Variants in ABCB11 observed in about 807,000 individuals in gnomAD.
The protein encoded by ABCB11 is ATP binding cassette subfamily B member 11.
In ABCB11, 95 loss-of-function variants were observed where a neutral mutation model predicts 148.0. That is an observed-to-expected ratio of 0.64 (90% CI 0.54 to 0.76). The LOEUF (loss-of-function observed/expected upper bound fraction) is 0.76. Ranked by LOEUF, ABCB11 falls within the 30% of genes least tolerant of loss-of-function variation. The pLI is 0.00. For synonymous variants in ABCB11, 591 were observed against 555.4 expected (o/e 1.06, Z -0.90); for missense variants, 1,523 against 1,617.8 (o/e 0.94, Z 1.01).
At chr2:168,964,405 A>G in intron 17 of ABCB11, 97 bp from the exon 18 acceptor site, 1 of 1,015,010 alleles carries the variant, frequency 9.9e-7, no homozygotes, top group African/African-American at 1.6e-5. Flanking sequence ...TCAAATAAAT[A>G]GAAATGTTTG....
At chr2:168,970,539 G>T in intron 14 of ABCB11, 1 of 425,792 alleles carries the variant, frequency 2.3e-6, no homozygotes, top group Non-Finnish European at 4.3e-6. Context: ...GAGGATTAAA[G>T]CACAGAGCAA....
At position 168,975,584 on chromosome 2, in the gene ABCB11, T is replaced by A. The variant is rs1256699196; in HGVS notation, c.1308+993A>T. Among the ~76,000 whole-genome samples, 34 of 98,908 alleles carry A rather than the reference T, an allele frequency of 3.4e-4. 6 individuals carry two copies. Among genetic ancestry groups the A allele is most frequent in the Non-Finnish European group, 5.6e-4 (29 of 51,788 alleles). The allele number at this position is 98,908 out of a possible 152,430, so 64.9% of individuals were successfully genotyped here. On this transcript the variant is annotated intron_variant, in intron 12 of 27. Coordinates refer to ENST00000650372, the MANE Select transcript of ABCB11 (RefSeq NM_003742.4). ...ATTTTTATATTTATAGATAAATATATAAATACATAAATATTTTTATATTTA... is the reference window on the plus strand; with the variant it reads ...ATTTTTATATTTATAGATAAATATAAAAATACATAAATATTTTTATATTTA...
At chr2:169,006,229 A>AG (rs1234798525) in intron 5 of ABCB11, among the ~76,000 whole-genome samples, 1 of 152,216 alleles carries the variant, frequency 6.6e-6, no homozygotes, top group Non-Finnish European at 1.5e-5. Flanking sequence ...AGGAGTGCAA[A>AG]GGTAATTGAA....
At chr2:168,930,275 C>T (rs1691507775) in intron 25 of ABCB11, among the ~76,000 whole-genome samples, 1 of 152,192 alleles carries the variant, frequency 6.6e-6, no homozygotes, top group Non-Finnish European at 1.5e-5. Context: ...GCTAACTCTC[C>T]TTTCTTGCTC....
intron 5 of ABCB11, among the ~76,000 whole-genome samples, chr2:169,010,709 G>T (rs1257354546): frequency 6.6e-6 from 1 of 152,106 alleles, no homozygotes; most frequent in African/African-American, 2.4e-5. Flanking sequence ...TCCCACCCAA[G>T]TCATAAGATC....
downstream of ABCB11, among the ~76,000 whole-genome samples, chr2:168,919,611 T>A (rs580670): frequency 0.72 from 108,786 of 151,256 alleles, 39,594 homozygotes; most frequent in East Asian, 0.95. Flanking sequence ...CTATTTTTTT[T>A]ATCTGTGACC....
At chr2:168,989,854 C>T (rs568338219) in intron 9 of ABCB11, among the ~76,000 whole-genome samples, 7 of 152,190 alleles carry the variant, frequency 4.6e-5, no homozygotes, top group Non-Finnish European at 8.8e-5. Flanking sequence ...TTTTCAGCAT[C>T]TATTGAGATA....
intron 19 of ABCB11, among the ~76,000 whole-genome samples, chr2:168,951,441 T>G (rs1260750014): frequency 6.6e-6 from 1 of 151,830 alleles, no homozygotes. Flanking sequence ...ATCAGTGTTT[T>G]GTGGTCCTCC....
chr2:168,936,467 C>A (rs754412134), intron 21 of ABCB11, 34 bp from the exon 22 acceptor site: 1 of 1,605,372 alleles, frequency 6.2e-7, no homozygotes, highest in South Asian at 1.1e-5. Flanking sequence ...CCGTCTCAGA[C>A]ACACAGTCGC....
chr2:168,957,127 ACT>A (rs1692833386), intron 19 of ABCB11, among the ~76,000 whole-genome samples: 1 of 151,584 alleles, frequency 6.6e-6, no homozygotes, highest in Non-Finnish European at 1.5e-5. Context: ...GTCTTTCAGT[ACT>A]GTTTCCATGA....
intron 19 of ABCB11, among the ~76,000 whole-genome samples, chr2:168,956,080 C>A (rs1262391598): frequency 1.3e-5 from 2 of 151,678 alleles, no homozygotes. Flanking sequence ...TCTCAGGAAA[C>A]TTACAATCAT....
intron 25 of ABCB11, among the ~76,000 whole-genome samples, chr2:168,929,185 T>A (rs1017058266): frequency 7.9e-5 from 12 of 152,182 alleles, no homozygotes; most frequent in African/African-American, 2.9e-4. Flanking sequence ...TCTTAGAAAT[T>A]TGCTTTTGGA....
intron 19 of ABCB11, among the ~76,000 whole-genome samples, chr2:168,957,380 TATG>T (rs1283950246): frequency 6.6e-6 from 1 of 151,714 alleles, no homozygotes; most frequent in African/African-American, 2.4e-5. Context: ...TCATAGTTAT[TATG>T]ATGATTACAG....
chr2:168,974,605 T>C (rs950432003), intron 12 of ABCB11, among the ~76,000 whole-genome samples: 3 of 151,946 alleles, frequency 2.0e-5, no homozygotes, highest in South Asian at 2.1e-4. Flanking sequence ...CAAGCAGGCA[T>C]CAAATGTGCT....
At chr2:168,926,557 A>G (rs1174886574) in intron 26 of ABCB11, among the ~76,000 whole-genome samples, 2 of 152,332 alleles carry the variant, frequency 1.3e-5, no homozygotes, top group East Asian at 1.9e-4. Flanking sequence ...ACTAAAGCTC[A>G]ATGTACAAAA....
intron 13 of ABCB11, among the ~76,000 whole-genome samples, chr2:168,972,357 C>T (rs9287908): frequency 0.57 from 87,056 of 151,786 alleles, 25,224 homozygotes; most frequent in East Asian, 0.75. Context: ...TTATTCACTA[C>T]GTTTTAAATA....
At chr2:168,979,394 CTCTT>C (rs1244085400) in intron 11 of ABCB11, among the ~76,000 whole-genome samples, 3 of 152,232 alleles carry the variant, frequency 2.0e-5, no homozygotes, top group Non-Finnish European at 2.9e-5. Context: ...AATTTAAAGA[CTCTT>C]TCTCCCACCC....
At chr2:169,005,438 C>T (rs1694990142) in intron 5 of ABCB11, among the ~76,000 whole-genome samples, 1 of 152,074 alleles carries the variant, frequency 6.6e-6, no homozygotes, top group Non-Finnish European at 1.5e-5. Context: ...AGGATTATGG[C>T]TGCCTCTGCT....
chr2:168,989,871 T>C (rs937810496), intron 9 of ABCB11, among the ~76,000 whole-genome samples: 2 of 152,146 alleles, frequency 1.3e-5, no homozygotes, highest in African/African-American at 4.8e-5. Flanking sequence ...GATAACCATA[T>C]GGTTTTTGTC....
Sources: allele counts gnomAD v4.1 joint callset (sites outside exome capture counted in the v4.1 genomes callset), GRCh38; gene constraint gnomAD v4.1.1; transcripts MANE v1.5; gene names NCBI Gene and HGNC (gene_info 2026-07-23, HGNC 2026-07-21).